Variants in SLC7A2 observed in about 807,000 individuals in gnomAD.
The protein encoded by SLC7A2 is solute carrier family 7 member 2.
Under a neutral mutation model 58.9 loss-of-function variants are expected in SLC7A2, and 48 were observed. The observed-to-expected ratio is 0.82, with a 90% CI of 0.65 to 1.04. The LOEUF (loss-of-function observed/expected upper bound fraction) is 1.04, where lower values mean the gene tolerates loss of function less well. SLC7A2 is among the 50% of genes least tolerant of loss of function. The pLI is 0.00. For missense variants in SLC7A2, 1,029 were observed against 818.8 expected (o/e 1.26, Z -3.13); for synonymous variants, 363 against 314.5 (o/e 1.15, Z -1.63).
At position 17,565,031 on chromosome 8, in the gene SLC7A2, A is replaced by T; in HGVS notation, c.1862A>T (p.Tyr621Phe). The T allele has an allele frequency of 6.2e-7, 1 of 1,613,990 alleles. No individual in the cohort carries two copies. The highest frequency in any genetic ancestry group is 8.5e-7 in the Non-Finnish European group (1 of 1,179,936). Residue 621 changes from tyrosine to phenylalanine, a missense_variant, in exon 13 of 13, where the codon TAT (tyrosine) becomes TTT (phenylalanine). Transcript: ENST00000494857. ...GATGAAAACAATGAAGAAGATGCTT[A>T]TCCAGACAACGTTCATGCAGCAGCA... ...LRDENNEEDA[Y>F]PDNVHAAAEE...
chr8:17,536,698 G>T (rs747643112), intron 2 of SLC7A2, among the ~76,000 whole-genome samples: 1 of 152,144 alleles, frequency 6.6e-6, no homozygotes, highest in African/African-American at 2.4e-5. Context: ...ATTCTATCAC[G>T]GAAACCTCCT....
rs746643580 is a variant in SLC7A2 at position 17,565,008 on chromosome 8, T to G, written c.1839T>G (p.Asp613Glu). Residue 613 changes from aspartate (D) to glutamate (E), a missense_variant, in exon 13 of 13, where the codon GAT becomes GAG. Coordinates refer to ENST00000494857, the MANE Select transcript of SLC7A2 (RefSeq NM_001370338.1). The stretch of plus-strand genomic sequence containing the variant: ...ACAGCCTGGAGGGTCATCTGAGAGA[T>G]GAAAACAATGAAGAAGATGCTTATC... ...IRHSLEGHLR[D>E]ENNEEDAYPD... 6.2e-7 allele frequency: 1 copy of G among 1,613,716 alleles called. No individual in the cohort carries two copies. The highest frequency in any genetic ancestry group is 1.1e-5 in the South Asian group (1 of 91,034).
intron 2 of SLC7A2, among the ~76,000 whole-genome samples, chr8:17,511,831 G>A (rs1800616795): frequency 6.6e-6 from 1 of 151,960 alleles, no homozygotes; most frequent in African/African-American, 2.4e-5. Context: ...AAATTTAGAG[G>A]GCTGGAACCC....
chr8:17,563,231 A>T (rs1393333524), intron 11 of SLC7A2, among the ~76,000 whole-genome samples: 2 of 152,174 alleles, frequency 1.3e-5, no homozygotes, highest in Non-Finnish European at 2.9e-5. Context: ...AGCTAACCGT[A>T]TACTGGCTTG....
intron 9 of SLC7A2, among the ~76,000 whole-genome samples, chr8:17,559,568 A>G (rs185919576): frequency 7.9e-5 from 12 of 152,232 alleles, no homozygotes; most frequent in African/African-American, 2.9e-4. Context: ...CTCTGTCTCA[A>G]AAAAAAACAT....
At position 17,509,538 on chromosome 8, in the gene SLC7A2, T is replaced by G. The variant is rs369978284; in HGVS notation, c.-23+7236T>G. ...CTAGGCTGGTCCCGAACTCCTGACC[T>G]CAAGTAATCCACCCGCCTTGGCCTC... On this transcript the variant is annotated intron_variant, in intron 2 of 12. Transcript: ENST00000494857. 4.6e-5 allele frequency among the ~76,000 whole-genome samples: 7 copies of G among 152,156 alleles called. No homozygotes were observed. In the East Asian group the frequency reaches 9.7e-4, roughly 21 times the overall value.
At chr8:17,509,063 G>A (rs549685806) in intron 2 of SLC7A2, among the ~76,000 whole-genome samples, 1 of 152,188 alleles carries the variant, frequency 6.6e-6, no homozygotes, top group South Asian at 2.1e-4. Context: ...CTAGGAGTGG[G>A]GACTGTAGAC....
At chr8:17,510,366 G>A (rs1396585528) in intron 2 of SLC7A2, among the ~76,000 whole-genome samples, 1 of 152,064 alleles carries the variant, frequency 6.6e-6, no homozygotes, top group African/African-American at 2.4e-5. Context: ...GTAAAATGTT[G>A]AGAATATCTA....
At chr8:17,536,362 C>T (rs141343605) in intron 2 of SLC7A2, among the ~76,000 whole-genome samples, 1,991 of 152,146 alleles carry the variant, frequency 0.013, 45 homozygotes, top group South Asian at 0.096. Context: ...GTCAGGAGTT[C>T]GAAACCAGCC....
chr8:17,542,405 C>G (rs1211824717), intron 2 of SLC7A2, among the ~76,000 whole-genome samples: 2 of 152,166 alleles, frequency 1.3e-5, no homozygotes, highest in Non-Finnish European at 2.9e-5. Flanking sequence ...AATCCCAGCA[C>G]TTTGGGAGGC....
At chr8:17,529,586 A>T (rs1182768017) in intron 2 of SLC7A2, among the ~76,000 whole-genome samples, 1 of 149,110 alleles carries the variant, frequency 6.7e-6, no homozygotes, top group Non-Finnish European at 1.5e-5. Context: ...GCTGGAGTGC[A>T]GTGATGTGAT....
rs186743251 is a variant in SLC7A2, at chr8:17,500,124, C to G, written c.-68-2133C>G. The G allele has an allele frequency of 2.0e-5, 3 of 152,326 alleles. No individual in the cohort carries two copies. In the East Asian group the frequency reaches 5.8e-4, roughly 29 times the overall value. 9.4% of individuals were successfully genotyped at this position (152,326 alleles called of 1,614,324 possible). ...TATAATTATGTTTACATTTGGGGAACTCCATTGATGGATTTTAAGAGCAGT... is the reference window on the plus strand; with the variant it reads ...TATAATTATGTTTACATTTGGGGAAGTCCATTGATGGATTTTAAGAGCAGT... On this transcript the variant is annotated intron_variant, in intron 1 of 12. Transcript: ENST00000494857.
At position 17,543,566 on chromosome 8, in the gene SLC7A2, C is replaced by T. The variant is rs1802017794; in HGVS notation, c.227C>T (p.Ala76Val). 1 of 1,611,352 alleles carries T rather than the reference C, an allele frequency of 6.2e-7. No individual in the cohort carries two copies. Among genetic ancestry groups the T allele is most frequent in the East Asian group, 2.2e-5 (1 of 44,846 alleles). The change falls in exon 3 of 13, where the codon GCC becomes GTC. Residue 76 changes from alanine (A) to valine (V), a missense_variant. Transcript: ENST00000494857. ...PSIVVSFLIA[A>V]LASVMAGLCY... is the part of the protein sequence containing the mutation. ...ATCGTGGTGTCCTTCCTCATTGCTG[C>T]CCTGGCTTCAGTGATGGCTGGCCTC...
intron 4 of SLC7A2, among the ~76,000 whole-genome samples, chr8:17,545,978 G>A (rs762048072): frequency 3.3e-5 from 5 of 152,060 alleles, no homozygotes; most frequent in South Asian, 2.1e-4. Context: ...TTTTACATAC[G>A]GATAGGGATA....
Position 17,568,253 on chromosome 8 carries a change from A to C in SLC7A2, c.*3107A>C, listed in dbSNP as rs539831240. On this transcript the variant is annotated 3_prime_UTR_variant, in exon 13 of 13. Transcript: ENST00000494857. ...CTCAAATTTTATACTCTTAAAAAAA[A>C]ACAATAATTTGTGAATTACCACCAA... 3.1e-4 allele frequency: 47 copies of C among 152,174 alleles called. No individual in the cohort carries two copies. The highest frequency in any genetic ancestry group is 6.3e-4 in the Non-Finnish European group (43 of 68,038). 9.4% of individuals were successfully genotyped at this position (152,174 alleles called of 1,614,324 possible). A position where few individuals can be genotyped will look rare whatever the true frequency, so the allele number is the denominator to read the frequency against.
chr8:17,539,360 G>T (rs1801812277), intron 2 of SLC7A2, among the ~76,000 whole-genome samples: 1 of 152,154 alleles, frequency 6.6e-6, no homozygotes, highest in Admixed American at 6.5e-5. Flanking sequence ...GATCTCACAT[G>T]TATCATTAGG....
At chr8:17,502,729 G>A (rs908992099) in intron 2 of SLC7A2, among the ~76,000 whole-genome samples, 5 of 152,056 alleles carry the variant, frequency 3.3e-5, no homozygotes, top group African/African-American at 1.2e-4. Flanking sequence ...AGGAATCCTG[G>A]AATGAGTCCA....
intron 6 of SLC7A2, among the ~76,000 whole-genome samples, chr8:17,550,980 G>C (rs1308384225): frequency 1.3e-5 from 2 of 152,166 alleles, no homozygotes; most frequent in African/African-American, 4.8e-5. Flanking sequence ...AGTGTACAAA[G>C]TATACTGTTT....
intron 2 of SLC7A2, among the ~76,000 whole-genome samples, chr8:17,515,768 G>A (rs1330405075): frequency 6.6e-6 from 1 of 152,164 alleles, no homozygotes; most frequent in Non-Finnish European, 1.5e-5. Context: ...TTAAATCTTA[G>A]AATCTGAGTT....
Sources: allele counts gnomAD v4.1 joint callset (sites outside exome capture counted in the v4.1 genomes callset), GRCh38; gene constraint gnomAD v4.1.1; transcripts MANE v1.5; gene names NCBI Gene and HGNC (gene_info 2026-07-23, HGNC 2026-07-21).